Variants in ABCC11 observed in about 807,000 individuals in gnomAD.
ABCC11 encodes the protein ATP-binding cassette sub-family C member 11.
A neutral mutation model predicts 149.3 loss-of-function variants in ABCC11; 135 were observed. That is an observed-to-expected ratio of 0.90 (90% confidence interval 0.79 to 1.04). The LOEUF (loss-of-function observed/expected upper bound fraction) is 1.04. ABCC11 is among the 50% of genes least tolerant of loss of function. The pLI, the probability that ABCC11 is intolerant of heterozygous loss-of-function variation, is 0.00. For synonymous variants in ABCC11, 665 were observed against 671.4 expected (o/e 0.99, Z 0.15); for missense variants, 1,680 against 1,722.1 (o/e 0.98, Z 0.43).
intron 28 of ABCC11, among the ~76,000 whole-genome samples, chr16:48,168,512 T>G (rs947491137): frequency 6.6e-6 from 1 of 152,314 alleles, no homozygotes; most frequent in Middle Eastern, 3.4e-3. Context: ...CATGCATACA[T>G]GTGTGAGTAT....
chr16:48,194,119 T>A (rs1002510979), intron 18 of ABCC11, 137 bp from the exon 19 acceptor site: 4 of 582,736 alleles, frequency 6.9e-6, no homozygotes, highest in Non-Finnish European at 1.2e-5. Context: ...CTTGGAGGAA[T>A]GGGAAGAGCT....
chr16:48,214,914 G>A lies in ABCC11; in HGVS notation c.1215C>T (p.His405=). Residue 405 remains histidine, a synonymous_variant, in exon 9 of 30, where the codon CAC becomes CAT. Transcript: ENST00000356608. ...CTGTGAGTTTCAGCTTTAAGGATGT[G>A]TGGATGAGAACCCAGACCGCTGTGG... ...TVATAVWVLI[H]TSLKLKLTAS... is the part of the protein sequence containing the mutation. 6.2e-7 allele frequency: 1 copy of A among 1,614,222 alleles called. No homozygotes were observed. The highest frequency in any genetic ancestry group is 1.3e-5 in the African/African-American group (1 of 75,060).
intron 2 of ABCC11, 27 bp from the exon 3 acceptor site, chr16:48,230,600 C>T (rs1228516624): frequency 2.0e-6 from 3 of 1,534,664 alleles, no homozygotes; most frequent in East Asian, 4.7e-5. Flanking sequence ...AAAAGAGCAT[C>T]AGTTTCAAAT....
intron 19 of ABCC11, 48 bp downstream of exon 19, chr16:48,193,831 C>G: frequency 6.7e-7 from 1 of 1,497,902 alleles, no homozygotes; most frequent in Non-Finnish European, 9.2e-7. Flanking sequence ...GTCACCCCAC[C>G]TCACTCAAGC....
chr16:48,217,128 C>T (rs751436582), intron 6 of ABCC11, among the ~76,000 whole-genome samples: 7 of 152,160 alleles, frequency 4.6e-5, no homozygotes, highest in Non-Finnish European at 8.8e-5. Context: ...GCTTCTAGCA[C>T]ATTAGGCAGT....
intron 1 of ABCC11, chr16:48,244,713 C>G: frequency 5.3e-6 from 5 of 938,318 alleles, no homozygotes; most frequent in Non-Finnish European, 5.7e-6. Flanking sequence ...GCGCGAGGCT[C>G]AGTTCGGGGC....
At chr16:48,215,767 G>T (rs1969293556) in intron 7 of ABCC11, among the ~76,000 whole-genome samples, 1 of 152,198 alleles carries the variant, frequency 6.6e-6, no homozygotes, top group Non-Finnish European at 1.5e-5. Flanking sequence ...ACTGTGCTCA[G>T]ACAAATGTTA....
rs1370333032 is a variant in ABCC11 at position 48,208,470 on chromosome 16, G to A, written c.1635C>T (p.Asn545=). Residue 545 remains asparagine (N), a synonymous_variant, in exon 12 of 30, where the codon AAC becomes AAT. Coordinates refer to ENST00000356608, the MANE Select transcript of ABCC11 (RefSeq NM_001370497.1). ...ACAGGCTGCTCTTACCACTCCCCGT[G>A]TTGCCGCAGACCCCTAACATCATCC... The part of the protein sequence containing the change: ...SKGMMLGVCG[N]TGSGKSSLLS... The A allele has an allele frequency of 1.9e-6, 3 of 1,614,144 alleles. No homozygotes were observed. Among genetic ancestry groups the A allele is most frequent in the Admixed American group, 3.3e-5 (2 of 60,022 alleles).
chr16:48,196,318 G>T lies in ABCC11; in HGVS notation c.2318C>A (p.Pro773Gln). 6.2e-7 allele frequency: 1 copy of T among 1,613,812 alleles called. No homozygotes were observed. Among genetic ancestry groups the T allele is most frequent in the South Asian group, 1.1e-5 (1 of 91,014 alleles). Residue 773 changes from proline (P) to glutamine (Q), a missense_variant, in exon 18 of 30, where the codon CCG becomes CAG. Pro to Gln is a moderately conservative substitution (Grantham distance 76). Coordinates refer to ENST00000356608, the MANE Select transcript of ABCC11 (RefSeq NM_001370497.1). Reference sequence around the variant, plus strand: ...CTCCTCCTGTGTGAGCTGATGCTCCGGCACTGGGTCAGGGTAGAAGAAGAG... The same window carrying T: ...CTCCTCCTGTGTGAGCTGATGCTCCTGCACTGGGTCAGGGTAGAAGAAGAG... Reference protein sequence around the residue: ...LEESLNGNAVPEHQLTQEEEM... With the variant: ...LEESLNGNAVQEHQLTQEEEM...
rs766159688 is a variant in ABCC11, at chr16:48,167,405, A to G, written c.4057-39T>C. 35 of 1,562,774 alleles carry G rather than the reference A, an allele frequency of 2.2e-5. 1 individual carries two copies. In the South Asian group the frequency reaches 3.9e-4, roughly 17 times the overall value. Reference sequence around the variant, plus strand: ...AAAGGCGAGGGGAGGATCAGGGCACAGCTGAGCTTGTGTCCTTGGAGGACT... The same window carrying G: ...AAAGGCGAGGGGAGGATCAGGGCACGGCTGAGCTTGTGTCCTTGGAGGACT... On this transcript the variant is annotated intron_variant, in intron 29 of 29. Coordinates refer to ENST00000356608, the MANE Select transcript of ABCC11 (RefSeq NM_001370497.1).
rs377479189 is a variant in ABCC11 at position 48,224,343 on chromosome 16, G to T, written c.482C>A (p.Thr161Lys). 14 of 1,613,996 alleles carry T rather than the reference G, an allele frequency of 8.7e-6. No individual in the cohort carries two copies. In the African/African-American group the frequency reaches 1.9e-4, roughly 22 times the overall value. ...CAGAAGTGCATCGAAAATCAACCTT[G>T]TTCTCTGGAACCTCAGCATCACCAG... ...VLLVMLRFQR[T>K]RLIFDALLGI... is the part of the protein sequence containing the mutation. The change falls in exon 5 of 30, where the codon ACA (threonine) becomes AAA (lysine). Residue 161 changes from threonine to lysine, a missense_variant. Physicochemically the swap from Thr to Lys is moderately conservative, Grantham distance 78 (BLOSUM62 -1). Transcript: ENST00000356608.
In ABCC11 at chr16:48,227,841, C is replaced by T. The variant is rs758159749; in HGVS notation, c.360G>A (p.Leu120=). 2.5e-6 allele frequency: 4 copies of T among 1,614,068 alleles called. No individual in the cohort carries two copies. The highest frequency in any genetic ancestry group is 1.6e-4 in the Middle Eastern group (1 of 6,062). ...TTTTGTCTGAGGCATCATGGACTGA[C>T]AGTGGAGGGATGGTGTTCTCATCTA... The part of the protein sequence containing the change: ...SRLDENTIPP[L]SVHDASDKNV... The change falls in exon 4 of 30, where the codon CTG becomes CTA. Residue 120 remains leucine, a synonymous_variant. Transcript: ENST00000356608.
intron 11 of ABCC11, chr16:48,210,572 A>G (rs1596780258): frequency 5.1e-6 from 1 of 194,676 alleles, no homozygotes; most frequent in East Asian, 1.2e-4. Context: ...GAACCAGATA[A>G]GGTGAGTTCA....
At chr16:48,223,213 G>A (rs1183414986) in intron 5 of ABCC11, among the ~76,000 whole-genome samples, 3 of 152,254 alleles carry the variant, frequency 2.0e-5, no homozygotes, top group Non-Finnish European at 4.4e-5. Context: ...GACTTAAGGG[G>A]CAAGAGCAGG....
At chr16:48,192,457 A>G (rs1192209505) in intron 20 of ABCC11, 63 bp downstream of exon 20, 5 of 1,531,234 alleles carry the variant, frequency 3.3e-6, no homozygotes, top group African/African-American at 1.4e-5. Context: ...ATAAAAAAAT[A>G]AAAATGAAGC....
At position 48,231,943 on chromosome 16, in the gene ABCC11, C is replaced by T. The variant is rs373527966; in HGVS notation, c.-18-4G>A. 6.8e-6 allele frequency: 11 copies of T among 1,613,618 alleles called. No homozygotes were observed. The highest frequency in any genetic ancestry group is 1.1e-5 in the South Asian group (1 of 91,022). On this transcript the variant is annotated splice_polypyrimidine_tract_variant and splice_region_variant and intron_variant, in intron 1 of 29. Transcript: ENST00000356608. Reference sequence around the variant, plus strand: ...TCATTTTCAGTTCCTGCCAATTCTTCGTTTCCCAGAATCAGAGAATATGAA... The same window carrying T: ...TCATTTTCAGTTCCTGCCAATTCTTTGTTTCCCAGAATCAGAGAATATGAA...
Position 48,203,227 on chromosome 16 carries a change from C to G in ABCC11, c.1878+1G>C, listed in dbSNP as rs140932063. The stretch of plus-strand genomic sequence containing the variant: ...AGAAGGCAGGCTCGCCTCCCTCTCA[C>G]CTCTGTCATGTCTCCAAAGGGCAGA... On this transcript the variant is annotated splice_donor_variant, in intron 14 of 29. Coordinates refer to ENST00000356608, the MANE Select transcript of ABCC11 (RefSeq NM_001370497.1). LOFTEE classifies it high-confidence loss of function. 1 of 1,570,768 alleles carries G rather than the reference C, an allele frequency of 6.4e-7. No individual in the cohort carries two copies. Among genetic ancestry groups the G allele is most frequent in the African/African-American group, 1.3e-5 (1 of 74,202 alleles).
chr16:48,245,169 TCTC>T (rs747544541), intron 1 of ABCC11, among the ~76,000 whole-genome samples: 20 of 152,120 alleles, frequency 1.3e-4, no homozygotes, highest in African/African-American at 2.7e-4. Context: ...CTGCCACCCT[TCTC>T]CTTCTCCCCC....
chr16:48,190,439 C>A (rs1437385339), intron 20 of ABCC11, among the ~76,000 whole-genome samples: 1 of 152,016 alleles, frequency 6.6e-6, no homozygotes, highest in Non-Finnish European at 1.5e-5. Flanking sequence ...CAGCTCACTG[C>A]CACCTCCACC....
Sources: gnomAD v4.1 joint callset for allele counts (sites outside exome capture counted in the v4.1 genomes callset) on GRCh38, gnomAD v4.1.1 for gene constraint, MANE v1.5 for transcripts, NCBI Gene and HGNC (gene_info 2026-07-23, HGNC 2026-07-21) for gene names.